Variants in TAFA1 observed in about 807,000 individuals in gnomAD.
The protein encoded by TAFA1 is chemokine-like protein TAFA-1.
A neutral mutation model predicts 18.5 loss-of-function variants in TAFA1; 4 were observed. The ratio of observed to expected loss-of-function variants is 0.22; its 90% CI spans 0.11 to 0.49. The LOEUF is 0.49. Ranked by LOEUF, TAFA1 falls within the 20% of genes least tolerant of loss-of-function variation. The pLI is 0.98. For synonymous variants in TAFA1, 56 were observed against 55.2 expected, an observed-to-expected ratio of 1.01 and a Z score of -0.06; for missense variants, 147 against 169.0, an observed-to-expected ratio of 0.87 and a Z score of 0.72.
chr3:68,034,702 C>T (rs1227410074), intron 2 of TAFA1, among the ~76,000 whole-genome samples: 2 of 152,122 alleles, frequency 1.3e-5, no homozygotes, highest in Non-Finnish European at 2.9e-5. Flanking sequence ...TTCTGTTCCA[C>T]AGTGTAGGGA....
At chr3:68,423,956 G>A (rs2071007551) in intron 3 of TAFA1, among the ~76,000 whole-genome samples, 1 of 151,860 alleles carries the variant, frequency 6.6e-6, no homozygotes, top group African/African-American at 2.4e-5. Flanking sequence ...CCTTCACCTG[G>A]TGTTCTTGCC....
chr3:68,344,922 C>T (rs72626984), intron 2 of TAFA1, among the ~76,000 whole-genome samples: 8,889 of 151,884 alleles, frequency 0.059, 288 homozygotes, highest in East Asian at 0.1. Context: ...TATCCAACAC[C>T]GGAAATTATG....
intron 3 of TAFA1, among the ~76,000 whole-genome samples, chr3:68,431,128 A>G (rs972046113): frequency 6.6e-6 from 1 of 151,852 alleles, no homozygotes; most frequent in African/African-American, 2.4e-5. Context: ...ATACCAAAGG[A>G]CGCCTGACCA....
chr3:68,057,677 T>A (rs1054653379), intron 2 of TAFA1, among the ~76,000 whole-genome samples: 3 of 152,178 alleles, frequency 2.0e-5, no homozygotes, highest in African/African-American at 7.2e-5. Flanking sequence ...TTAAGGATCT[T>A]GGTATGGGAA....
At chr3:68,174,889 A>G (rs1295633572) in intron 2 of TAFA1, among the ~76,000 whole-genome samples, 1 of 152,178 alleles carries the variant, frequency 6.6e-6, no homozygotes, top group Non-Finnish European at 1.5e-5. Context: ...CTCCCATCAC[A>G]GGCCCAGAGG....
intron 2 of TAFA1, among the ~76,000 whole-genome samples, chr3:68,283,022 G>A (rs1194521857): frequency 6.6e-6 from 1 of 152,084 alleles, no homozygotes; most frequent in East Asian, 1.9e-4. Context: ...GAATCCTATT[G>A]CATAATATTT....
At chr3:68,174,165 A>G (rs151274641) in intron 2 of TAFA1, among the ~76,000 whole-genome samples, 14 of 152,356 alleles carry the variant, frequency 9.2e-5, no homozygotes, top group African/African-American at 3.1e-4. Context: ...TTATATTTTG[A>G]AAAGCATTGG....
At chr3:68,134,648 T>C (rs1310770850) in intron 2 of TAFA1, among the ~76,000 whole-genome samples, 1 of 152,174 alleles carries the variant, frequency 6.6e-6, no homozygotes, top group Non-Finnish European at 1.5e-5. Context: ...TAGACTTTGC[T>C]CAGTGCTTCT....
intron 2 of TAFA1, among the ~76,000 whole-genome samples, chr3:68,166,634 A>C (rs2065984526): frequency 6.6e-6 from 1 of 152,306 alleles, no homozygotes; most frequent in African/African-American, 2.4e-5. Context: ...AACAGTGTGC[A>C]ATATACAGCA....
At chr3:68,378,277 A>G (rs182717620) in intron 2 of TAFA1, among the ~76,000 whole-genome samples, 5 of 152,304 alleles carry the variant, frequency 3.3e-5, no homozygotes, top group African/African-American at 7.2e-5. Flanking sequence ...TCTTGCATCA[A>G]CATGCCAAGA....
Position 68,347,352 on chromosome 3 carries a change from G to A in TAFA1, c.119-69928G>A, listed in dbSNP as rs191182082. Among the ~76,000 whole-genome samples, 19 of 152,228 alleles carry A rather than the reference G, an allele frequency of 1.2e-4. No individual in the cohort carries two copies. The East Asian group carries it at 3.5e-3, about 28-fold the overall frequency. ...TTACCAAGACTAGGTATTCTCCAGG[G>A]CAAAGGCAAGAGTTTTAAATTCTGT... On this transcript the variant is annotated intron_variant, in intron 2 of 4. Transcript: ENST00000478136.
At chr3:68,292,797 C>T (rs1279329955) in intron 2 of TAFA1, among the ~76,000 whole-genome samples, 1 of 152,182 alleles carries the variant, frequency 6.6e-6, no homozygotes, top group Non-Finnish European at 1.5e-5. Context: ...CCTGTCTTGG[C>T]CTCCCAAAAT....
At chr3:68,087,336 A>T (rs2064982476) in intron 2 of TAFA1, among the ~76,000 whole-genome samples, 1 of 152,188 alleles carries the variant, frequency 6.6e-6, no homozygotes. Flanking sequence ...CAGTTAGAGG[A>T]CATGAGGTTG....
At chr3:68,178,247 T>A (rs1333643215) in intron 2 of TAFA1, among the ~76,000 whole-genome samples, 1 of 152,188 alleles carries the variant, frequency 6.6e-6, no homozygotes, top group East Asian at 1.9e-4. Flanking sequence ...TATTTTCAAG[T>A]TGTCATCTAT....
intron 2 of TAFA1, among the ~76,000 whole-genome samples, chr3:68,218,512 G>A (rs2066690134): frequency 6.6e-6 from 1 of 152,004 alleles, no homozygotes; most frequent in African/African-American, 2.4e-5. Flanking sequence ...ACTCCATTGT[G>A]TCTTTATATC....
In TAFA1 at chr3:68,189,125, G is replaced by A. The variant is rs2066307427; in HGVS notation, c.118+182381G>A. Among the ~76,000 whole-genome samples the A allele has an allele frequency of 2.0e-5, 3 of 152,014 alleles. No individual in the cohort carries two copies. The South Asian group carries it at 6.2e-4, about 32-fold the overall frequency. On this transcript the variant is annotated intron_variant, in intron 2 of 4. Coordinates refer to ENST00000478136, the MANE Select transcript of TAFA1 (RefSeq NM_213609.4). ...AGAGTGGAAGTTCTGTGAAGGTGAG[G>A]ACTAATGTTGTTCATCATCGTATTC...
chr3:68,512,480 T>C (rs112025655), intron 3 of TAFA1, among the ~76,000 whole-genome samples: 2,219 of 152,258 alleles, frequency 0.015, 45 homozygotes, highest in African/African-American at 0.05. Context: ...TATGTACTGA[T>C]TGAAGTTCAT....
At chr3:68,462,236 T>G (rs1194823434) in intron 3 of TAFA1, among the ~76,000 whole-genome samples, 1 of 152,158 alleles carries the variant, frequency 6.6e-6, no homozygotes, top group Non-Finnish European at 1.5e-5. Context: ...CTGATATGGT[T>G]TGCCTGTGTC....
chr3:68,186,865 T>C lies in TAFA1; in HGVS notation c.118+180121T>C, dbSNP rs949668647. Among the ~76,000 whole-genome samples the C allele has an allele frequency of 2.6e-4, 40 of 152,056 alleles. 1 individual carries two copies. Among genetic ancestry groups the C allele is most frequent in the Non-Finnish European group, 7.4e-5 (5 of 67,974 alleles). On this transcript the variant is annotated intron_variant, in intron 2 of 4. Transcript: ENST00000478136. Reference sequence around the variant, plus strand: ...TAATTTCTCACCTTGCTAGGAGATGTCCCTTCAAAACATACCATGGGCCTA... The same window carrying C: ...TAATTTCTCACCTTGCTAGGAGATGCCCCTTCAAAACATACCATGGGCCTA...
Sources: allele counts gnomAD v4.1 joint callset (sites outside exome capture counted in the v4.1 genomes callset), GRCh38; gene constraint gnomAD v4.1.1; transcripts MANE v1.5; gene names NCBI Gene and HGNC (gene_info 2026-07-23, HGNC 2026-07-21).